The following SP100 variants were observed in gnomAD, a reference collection of about 807,000 sequenced individuals.
SP100 encodes nuclear autoantigen Sp-100.
A neutral mutation model predicts 130.0 loss-of-function variants in SP100; 84 were observed. The observed-to-expected ratio is 0.65, with a 90% CI of 0.54 to 0.77. The LOEUF is 0.77. Among genes scored for constraint, SP100 ranks in the 30% least tolerant of loss-of-function variants. The pLI, the probability that SP100 is intolerant of heterozygous loss-of-function variation, is 0.00. For synonymous variants in SP100, 331 were observed against 351.7 expected, an observed-to-expected ratio of 0.94 and a Z score of 0.66; for missense variants, 978 against 1,052.2, an observed-to-expected ratio of 0.93 and a Z score of 0.97.
chr2:230,467,272 G>T, intron 13 of SP100, 57 bp downstream of exon 13: 1 of 1,229,452 alleles, frequency 8.1e-7, no homozygotes, highest in Non-Finnish European at 1.2e-6. Context: ...CTTCCCTGAT[G>T]CACTGTGCTC....
intron 8 of SP100, among the ~76,000 whole-genome samples, chr2:230,451,611 G>A (rs1360328451): frequency 6.6e-6 from 1 of 152,164 alleles, no homozygotes; most frequent in African/African-American, 2.4e-5. Flanking sequence ...TCACTCTGTT[G>A]ATTGTTTCCT....
rs541985865 is a variant in SP100 at position 230,458,947 on chromosome 2, A to T, written c.821-2315A>T. ...ACAGAGATGCAACATTACATATGGG[A>T]CAACAGGCCTGGCACGAGGTGAGGC... On this transcript the variant is annotated intron_variant, in intron 8 of 28. Transcript: ENST00000340126. Among the ~76,000 whole-genome samples, 6 of 152,278 alleles carry T rather than the reference A, an allele frequency of 3.9e-5. No individual in the cohort carries two copies. The South Asian group carries it at 1.2e-3, about 32-fold the overall frequency.
rs543277790 is a variant in SP100 at position 230,501,571 on chromosome 2, T to C, written c.1721-1495T>C. On this transcript the variant is annotated intron_variant, in intron 19 of 28. Transcript: ENST00000340126. ...TGTCATCAATCCCAAGGTTTCTTTATGCTAGATTGAAGGAAACATGCCTTT... is the reference window on the plus strand; with the variant it reads ...TGTCATCAATCCCAAGGTTTCTTTACGCTAGATTGAAGGAAACATGCCTTT... Among the ~76,000 whole-genome samples the C allele has an allele frequency of 6.0e-4, 91 of 152,332 alleles. 1 individual carries two copies. Among genetic ancestry groups the C allele is most frequent in the African/African-American group, 2.1e-3 (89 of 41,562 alleles).
At chr2:230,448,281 G>A (rs1177767699) in intron 5 of SP100, among the ~76,000 whole-genome samples, 4 of 152,140 alleles carry the variant, frequency 2.6e-5, no homozygotes, top group Non-Finnish European at 5.9e-5. Flanking sequence ...AAATGAAACC[G>A]TGAAAAGGGG....
chr2:230,471,477 T>C (rs1412159568), intron 15 of SP100, among the ~76,000 whole-genome samples: 1 of 152,178 alleles, frequency 6.6e-6, no homozygotes, highest in South Asian at 2.1e-4. Flanking sequence ...CTCCAATGAA[T>C]ACACAAAGAG....
intron 21 of SP100, among the ~76,000 whole-genome samples, chr2:230,505,872 C>T (rs1238447773): frequency 1.3e-5 from 2 of 152,110 alleles, no homozygotes; most frequent in African/African-American, 4.8e-5. Flanking sequence ...TAACAGCTTC[C>T]ACATGGCCAC....
Position 230,541,910 on chromosome 2 carries a change from G to A in SP100, c.2422G>A (p.Gly808Ser). The change falls in exon 28 of 29, where the codon GGC (glycine) becomes AGC (serine). Residue 808 changes from glycine (G) to serine (S), a missense_variant. Gly to Ser is a moderately conservative substitution (Grantham distance 56, BLOSUM62 0). Coordinates refer to ENST00000340126, the MANE Select transcript of SP100 (RefSeq NM_001080391.2). ...EPYYNREGSQ[G>S]PQKPMWLNKV... The stretch of plus-strand genomic sequence containing the variant: ...TCAACAGAACAGAGAGGGGTCTCAG[G>A]GCCCACAGAAGCCCATGTGGTTAAA... The A allele has an allele frequency of 6.2e-7, 1 of 1,613,966 alleles. No individual in the cohort carries two copies. Among genetic ancestry groups the A allele is most frequent in the Non-Finnish European group, 8.5e-7 (1 of 1,179,944 alleles).
At chr2:230,468,341 T>G (rs1045507813) in intron 13 of SP100, among the ~76,000 whole-genome samples, 1 of 152,214 alleles carries the variant, frequency 6.6e-6, no homozygotes, top group African/African-American at 2.4e-5. Flanking sequence ...AATACCCTAG[T>G]AGGATCCAGG....
At chr2:230,456,743 G>T (rs2064292000) in intron 8 of SP100, among the ~76,000 whole-genome samples, 9 of 152,014 alleles carry the variant, frequency 5.9e-5, no homozygotes, top group Admixed American at 4.6e-4. Flanking sequence ...TTCAGCTCCA[G>T]AATTTGTTTG....
intron 20 of SP100, among the ~76,000 whole-genome samples, chr2:230,503,790 T>C (rs1053050207): frequency 3.3e-5 from 5 of 152,216 alleles, no homozygotes; most frequent in African/African-American, 1.2e-4. Context: ...CATCCTGCCC[T>C]CTGTCCCCTC....
chr2:230,541,183 T>C, intron 26 of SP100, 118 bp from the exon 27 acceptor site: 2 of 1,219,570 alleles, frequency 1.6e-6, no homozygotes, highest in Admixed American at 2.2e-5. Context: ...AAACTCCCCA[T>C]GCCATGTTTG....
chr2:230,522,476 CTTTTTTTT>C (rs750389091), intron 24 of SP100, among the ~76,000 whole-genome samples: 1 of 82,138 alleles, frequency 1.2e-5, no homozygotes, highest in Non-Finnish European at 2.1e-5. Flanking sequence ...CCCCAGTGTT[CTTTTTTTT>C]TTTTTTTTTT....
In SP100 at chr2:230,541,365, C is replaced by T. The variant is rs772184779; in HGVS notation, c.2396C>T (p.Pro799Leu). 99 of 1,613,120 alleles carry T rather than the reference C, an allele frequency of 6.1e-5. No individual in the cohort carries two copies. Among genetic ancestry groups the T allele is most frequent in the Non-Finnish European group, 7.3e-5 (86 of 1,179,262 alleles). Residue 799 changes from proline (P) to leucine (L), a missense_variant, in exon 27 of 29, where the codon CCG (proline) becomes CTG (leucine). Transcript: ENST00000340126. ...AAAAGCTGCTTTTTCGCCTCAGAAC[C>T]GTATTATGTAAGTAACAGCCAAACA... is the stretch of plus-strand genomic sequence containing the variant. ...DSKSCFFASEPYYNREGSQGP... is the reference protein window; with the variant it reads ...DSKSCFFASELYYNREGSQGP...
intron 2 of SP100, among the ~76,000 whole-genome samples, chr2:230,424,574 A>G (rs2062864353): frequency 1.3e-5 from 2 of 151,308 alleles, no homozygotes; most frequent in Admixed American, 6.6e-5. Context: ...AGGCTGAGGC[A>G]GGGAGAATTG....
chr2:230,457,566 T>C (rs2064346980), intron 8 of SP100, among the ~76,000 whole-genome samples: 1 of 152,190 alleles, frequency 6.6e-6, no homozygotes, highest in Non-Finnish European at 1.5e-5. Context: ...AGTCTGGTGC[T>C]CACTTCCTTC....
chr2:230,476,159 C>A (rs2065535812), intron 17 of SP100, among the ~76,000 whole-genome samples: 1 of 152,130 alleles, frequency 6.6e-6, no homozygotes, highest in African/African-American at 2.4e-5. Context: ...TTGATTCTTC[C>A]AATCCATGAG....
In SP100 at chr2:230,502,787, T is replaced by G. The variant is rs138131895; in HGVS notation, c.1721-279T>G. Among the ~76,000 whole-genome samples the G allele has an allele frequency of 3.2e-4, 48 of 152,340 alleles. 1 individual carries two copies. The East Asian group carries it at 7.5e-3, about 24-fold the overall frequency. On this transcript the variant is annotated intron_variant, in intron 19 of 28. Coordinates refer to ENST00000340126, the MANE Select transcript of SP100 (RefSeq NM_001080391.2). ...TATGACCTACAGGGCAAATCTATCC[T>G]GCTGACTGTAAATAAAGTTTTACTG...
At chr2:230,469,152 T>C (rs954976795) in intron 14 of SP100, 56 bp downstream of exon 14, 23 of 1,076,162 alleles carry the variant, frequency 2.1e-5, no homozygotes, top group South Asian at 5.5e-5. Flanking sequence ...CTGCAAAAGC[T>C]ACATTCACTT....
At chr2:230,455,036 T>C (rs1187348899) in intron 8 of SP100, among the ~76,000 whole-genome samples, 3 of 152,140 alleles carry the variant, frequency 2.0e-5, no homozygotes, top group East Asian at 1.9e-4. Flanking sequence ...ATAATGACCT[T>C]CTTATTTTCT....
Sources: gnomAD v4.1 joint callset for allele counts (sites outside exome capture counted in the v4.1 genomes callset) on GRCh38, gnomAD v4.1.1 for gene constraint, MANE v1.5 for transcripts, NCBI Gene and HGNC (gene_info 2026-07-23, HGNC 2026-07-21) for gene names.